The following ZMPSTE24 variants were observed in gnomAD, a reference collection of about 807,000 sequenced individuals.
ZMPSTE24 encodes zinc metallopeptidase STE24.
In ZMPSTE24, 48 loss-of-function variants were observed where a neutral mutation model predicts 56.7. That is an observed-to-expected ratio of 0.85 (90% CI 0.67 to 1.08). ZMPSTE24 has a LOEUF of 1.08. ZMPSTE24 is among the 50% of genes least tolerant of loss of function. ZMPSTE24 has a pLI of 0.00. For synonymous variants in ZMPSTE24, 172 were observed against 195.2 expected (o/e 0.88, Z 0.99); for missense variants, 503 against 548.7 (o/e 0.92, Z 0.83).
In ZMPSTE24 at chr1:40,281,378, T is replaced by G. The variant is rs567519682; in HGVS notation, c.805T>G (p.Tyr269Asp). The G allele has an allele frequency of 3.1e-6, 5 of 1,614,174 alleles. No individual in the cohort carries two copies. In the African/African-American group the frequency reaches 4.0e-5, roughly 13 times the overall value. Residue 269 changes from tyrosine (Y) to aspartate (D), a missense_variant, in exon 7 of 10, where the codon TAT becomes GAT. Tyr to Asp is a radical substitution (Grantham distance 160, BLOSUM62 -3). Transcript: ENST00000372759. ...KRSSHSNAYF[Y>D]GFFKNKRIVL... ...CTCTTCCCACAGCAATGCTTATTTT[T>G]ATGGCTTCTTCAAGAACAAGCGAAT...
chr1:40,272,867 A>G (rs146510754), intron 6 of ZMPSTE24, among the ~76,000 whole-genome samples: 58 of 152,292 alleles, frequency 3.8e-4, no homozygotes, highest in Middle Eastern at 3.4e-3. Context: ...CCTCTAAGCT[A>G]TGGTTTCACA....
At chr1:40,289,418 T>A (rs1364488039) in intron 8 of ZMPSTE24, among the ~76,000 whole-genome samples, 1 of 152,242 alleles carries the variant, frequency 6.6e-6, no homozygotes, top group Non-Finnish European at 1.5e-5. Context: ...GGACAATGGT[T>A]ACTTGACAAA....
Position 40,293,717 on chromosome 1 carries a change from T to G in ZMPSTE24, c.*1048T>G, listed in dbSNP as rs1196075808. The G allele has an allele frequency of 6.6e-6, 1 of 152,240 alleles. No homozygotes were observed. Among genetic ancestry groups the G allele is most frequent in the African/African-American group, 2.4e-5 (1 of 41,472 alleles). 9.4% of individuals were successfully genotyped at this position (152,240 alleles called of 1,614,324 possible). On this transcript the variant is annotated 3_prime_UTR_variant, in exon 10 of 10. Transcript: ENST00000372759. The stretch of plus-strand genomic sequence containing the variant: ...CAGGCCTGATTCTACTTTTGAAAAT[T>G]ACAGTTCTTGAAATGCAGATAATGT...
At position 40,292,846 on chromosome 1, in the gene ZMPSTE24, CACTG is replaced by C. The variant is rs1471823445; in HGVS notation, c.*179_*182del. 4.7e-5 allele frequency: 26 copies of C among 552,854 alleles called. No homozygotes were observed. The highest frequency in any genetic ancestry group is 1.1e-4 in the South Asian group (5 of 43,510). 34.2% of individuals were successfully genotyped at this position (552,854 alleles called of 1,614,324 possible). A position where few individuals can be genotyped will look rare whatever the true frequency, so the allele number is the denominator to read the frequency against. ...GATTTTAATAATTCATTTCTTAAAA[CACTG>C]AATGAATTTTGAAGCTTAATGTTTT... On this transcript the variant is annotated 3_prime_UTR_variant, in exon 10 of 10. Coordinates refer to ENST00000372759, the MANE Select transcript of ZMPSTE24 (RefSeq NM_005857.5).
At chr1:40,267,666 G>A (rs948837887) in intron 2 of ZMPSTE24, 120 bp from the exon 3 acceptor site, 2 of 776,792 alleles carry the variant, frequency 2.6e-6, no homozygotes, top group Admixed American at 2.1e-5. Flanking sequence ...CACCGTACTG[G>A]CCTCTTTTGT....
intron 1 of ZMPSTE24, among the ~76,000 whole-genome samples, chr1:40,260,118 T>C (rs1643481240): frequency 6.8e-6 from 1 of 146,746 alleles, no homozygotes; most frequent in Non-Finnish European, 1.5e-5. Context: ...TGTAGTGCTG[T>C]GGCACAATAT....
intron 9 of ZMPSTE24, among the ~76,000 whole-genome samples, chr1:40,291,229 C>T (rs1346821530): frequency 1.3e-5 from 2 of 152,216 alleles, no homozygotes; most frequent in African/African-American, 4.8e-5. Flanking sequence ...AACTAGACTT[C>T]AGTGGTGAAC....
intron 2 of ZMPSTE24, among the ~76,000 whole-genome samples, chr1:40,266,106 A>G (rs1643545919): frequency 6.6e-6 from 1 of 152,242 alleles, no homozygotes; most frequent in Non-Finnish European, 1.5e-5. Flanking sequence ...ATAGACTGAT[A>G]AGTATAATAT....
In ZMPSTE24 at chr1:40,267,821, G is replaced by A. The variant is rs1643571052; in HGVS notation, c.306G>A (p.Trp102Ter). The change falls in exon 3 of 10, where the codon TGG becomes TGA. Residue 102 changes from tryptophan (W) to a stop codon, truncating the protein, a stop_gained. Transcript: ENST00000372759. LOFTEE classifies it high-confidence loss of function. The stretch of plus-strand genomic sequence containing the variant: ...TCTTTGGAGGAATACCTTATCTCTG[G>A]AGACTTTCTGGACGGTTCTGTGGTT... ...ILLFGGIPYL[W>*]RLSGRFCGYA... 1 of 1,613,814 alleles carries A rather than the reference G, an allele frequency of 6.2e-7. No individual in the cohort carries two copies. Among genetic ancestry groups the A allele is most frequent in the South Asian group, 1.1e-5 (1 of 91,068 alleles).
At chr1:40,273,537 A>AAAAAAAAAAAAAAAAAT (rs1224234676) in intron 6 of ZMPSTE24, among the ~76,000 whole-genome samples, 1 of 12,388 alleles carries the variant, frequency 8.1e-5, no homozygotes, top group Non-Finnish European at 2.0e-4. Flanking sequence ...AAAAAAAAAA[A>AAAAAAAAAAAAAAAAAT]ATATATATAT....
chr1:40,281,423 C>G lies in ZMPSTE24; in HGVS notation c.850C>G (p.Leu284Val). The stretch of plus-strand genomic sequence containing the variant: ...GCGAATAGTTTTGTTTGACACTCTA[C>G]TAGAAGAGTACTCTGTACTAAACAA... ...NKRIVLFDTL[L>V]EEYSVLNKDI... The change falls in exon 7 of 10, where the codon CTA (leucine) becomes GTA (valine). Residue 284 changes from leucine (L) to valine (V), a missense_variant. Transcript: ENST00000372759. The G allele has an allele frequency of 3.1e-6, 5 of 1,614,068 alleles. No homozygotes were observed. Among genetic ancestry groups the G allele is most frequent in the Non-Finnish European group, 4.2e-6 (5 of 1,179,978 alleles).
intron 6 of ZMPSTE24, among the ~76,000 whole-genome samples, chr1:40,280,864 A>T (rs1436156897): frequency 6.6e-6 from 1 of 152,256 alleles, no homozygotes; most frequent in Non-Finnish European, 1.5e-5. Flanking sequence ...TTATTTAAGA[A>T]TGTATTCCAA....
At chr1:40,272,883 T>G (rs79458678) in intron 6 of ZMPSTE24, among the ~76,000 whole-genome samples, 6,563 of 152,304 alleles carry the variant, frequency 0.043, 449 homozygotes, top group African/African-American at 0.15. Flanking sequence ...TCACAAATGT[T>G]TTTTGTAAAG....
At chr1:40,265,317 G>A (rs1171176219) in intron 2 of ZMPSTE24, among the ~76,000 whole-genome samples, 1 of 152,182 alleles carries the variant, frequency 6.6e-6, no homozygotes, top group African/African-American at 2.4e-5. Context: ...TCAGACAGTG[G>A]TACCAAAGCA....
At chr1:40,281,667 T>G in intron 7 of ZMPSTE24, 140 bp downstream of exon 7, 2 of 883,832 alleles carry the variant, frequency 2.3e-6, no homozygotes, top group Non-Finnish European at 3.6e-6. Context: ...CCTTTATAGT[T>G]CTGGTATTTA....
At chr1:40,270,398 ATT>A (rs1223923808) in intron 5 of ZMPSTE24, among the ~76,000 whole-genome samples, 1 of 152,134 alleles carries the variant, frequency 6.6e-6, no homozygotes, top group Admixed American at 6.5e-5. Flanking sequence ...TGGGTTGTGC[ATT>A]TGCGAGTTGC....
chr1:40,267,479 C>G (rs1643562685), intron 2 of ZMPSTE24, among the ~76,000 whole-genome samples: 1 of 151,436 alleles, frequency 6.6e-6, no homozygotes, highest in South Asian at 2.1e-4. Flanking sequence ...ATCCTGTCAC[C>G]TCAGTCCCCC....
intron 6 of ZMPSTE24, among the ~76,000 whole-genome samples, chr1:40,280,447 CAG>C (rs1471984570): frequency 6.6e-6 from 1 of 151,304 alleles, no homozygotes; most frequent in Non-Finnish European, 1.5e-5. Flanking sequence ...CTTTGTGAGA[CAG>C]AGTCTCCGTC....
Position 40,292,761 on chromosome 1 carries a change from A to C in ZMPSTE24, c.*92A>C. On this transcript the variant is annotated 3_prime_UTR_variant, in exon 10 of 10. Transcript: ENST00000372759. The stretch of plus-strand genomic sequence containing the variant: ...TGATGTTTTTAAACTTTTTTTTAGA[A>C]GAAAAATTAAGTACAGAAAAGCCCA... 8.8e-7 allele frequency: 1 copy of C among 1,133,172 alleles called. No individual in the cohort carries two copies. 70.2% of individuals were successfully genotyped at this position (1,133,172 alleles called of 1,614,324 possible).
Sources: allele counts gnomAD v4.1 joint callset (sites outside exome capture counted in the v4.1 genomes callset), GRCh38; gene constraint gnomAD v4.1.1; transcripts MANE v1.5; gene names NCBI Gene and HGNC (gene_info 2026-07-23, HGNC 2026-07-21).